Variants in CRTC2 observed in about 807,000 individuals in gnomAD.
The protein encoded by CRTC2 is CREB regulated transcription coactivator 2.
Under a neutral mutation model 70.9 loss-of-function variants are expected in CRTC2, and 25 were observed. The ratio of observed to expected loss-of-function variants is 0.35; its 90% CI spans 0.26 to 0.49. The LOEUF (loss-of-function observed/expected upper bound fraction) is 0.49. Among genes scored for constraint, CRTC2 ranks in the 20% least tolerant of loss-of-function variants. The pLI is 0.98. For synonymous variants in CRTC2, 330 were observed against 364.1 expected, an observed-to-expected ratio of 0.91 and a Z score of 1.07; for missense variants, 737 against 882.6, an observed-to-expected ratio of 0.83 and a Z score of 2.09.
At chr1:153,958,081 C>A in intron 1 of CRTC2, 1 of 1,362,638 alleles carries the variant, frequency 7.3e-7, no homozygotes, top group South Asian at 1.6e-5. Context: ...CGCCGGACTT[C>A]ATCTCCCCTC....
chr1:153,951,974 G>T, intron 10 of CRTC2, 44 bp downstream of exon 10: 1 of 1,587,906 alleles, frequency 6.3e-7, no homozygotes, highest in Non-Finnish European at 8.6e-7. Flanking sequence ...CATCCCTCCA[G>T]TCAGGCAGCA....
At chr1:153,951,170 G>T in intron 11 of CRTC2, 90 bp downstream of exon 11, 1 of 1,315,612 alleles carries the variant, frequency 7.6e-7, no homozygotes, top group Non-Finnish European at 1.1e-6. Context: ...GTATAGAGTA[G>T]GTATTTCAGG....
chr1:153,948,246 C>T lies in CRTC2; in HGVS notation c.1945G>A (p.Glu649Lys), dbSNP rs929087952. 6.2e-7 allele frequency: 1 copy of T among 1,614,138 alleles called. No individual in the cohort carries two copies. Among genetic ancestry groups the T allele is most frequent in the African/African-American group, 1.3e-5 (1 of 74,944 alleles). ...TCATCTTCTAGCCCAAGCCCTAGCT[C>T]CAATCCAGCTGCTGACACCTCAAAG... ...PGFEVSAAGL[E>K]LGLGLEDELR... is the part of the protein sequence containing the mutation. Residue 649 changes from glutamate (E) to lysine (K), a missense_variant, in exon 14 of 14, where the codon GAG becomes AAG. Glu to Lys is a moderately conservative substitution (Grantham distance 56, BLOSUM62 1). Around this residue, in one of 3 missense-constraint regions of CRTC2, gnomAD observed 699 missense variants for 823.7 expected, o/e 0.85. Transcript: ENST00000368633.
At chr1:153,952,470 G>C in intron 8 of CRTC2, 24 bp from the exon 9 acceptor site, 1 of 1,614,034 alleles carries the variant, frequency 6.2e-7, no homozygotes, top group Non-Finnish European at 8.5e-7. Flanking sequence ...GGAGAATATG[G>C]AAAATGAGGA....
Position 153,958,455 on chromosome 1 carries a change from A to AGGCCGT in CRTC2, c.37_42dup (p.Thr13_Ala14dup). On this transcript the variant is annotated inframe_insertion, in exon 1 of 14. Transcript: ENST00000368633. Reference sequence around the variant, plus strand: ...CTAAATTTGCGCGGATTGGAAGCCGAGGCCGTGGCCGAACCAGGCCCGTTC... The same window carrying AGGCCGT: ...CTAAATTTGCGCGGATTGGAAGCCGAGGCCGTGGCCGTGGCCGAACCAGGCCCGTTC... The AGGCCGT allele has an allele frequency of 6.2e-7, 1 of 1,613,290 alleles. No individual in the cohort carries two copies. Among genetic ancestry groups the AGGCCGT allele is most frequent in the Non-Finnish European group, 8.5e-7 (1 of 1,179,724 alleles).
Position 153,952,600 on chromosome 1 carries a change from G to T in CRTC2, c.673C>A (p.His225Asn), listed in dbSNP as rs764763783. ...TTAGCATCCCATGGCTTCAGCAAAT[G>T]CTTGTCATCTAGCAAGTTCTCCTCA... ...AIEENLLDDK[H>N]LLKPWDAKKL... Residue 225 changes from histidine to asparagine, a missense_variant, in exon 8 of 14, where the codon CAT (histidine) becomes AAT (asparagine). Coordinates refer to ENST00000368633, the MANE Select transcript of CRTC2 (RefSeq NM_181715.3). 2 of 1,614,210 alleles carry T rather than the reference G, an allele frequency of 1.2e-6. No individual in the cohort carries two copies. The highest frequency in any genetic ancestry group is 2.7e-5 in the African/African-American group (2 of 75,052).
Position 153,949,317 on chromosome 1 carries a change from G to A in CRTC2, c.1472C>T (p.Pro491Leu). 6.2e-7 allele frequency: 1 copy of A among 1,613,984 alleles called. No homozygotes were observed. The highest frequency in any genetic ancestry group is 8.5e-7 in the Non-Finnish European group (1 of 1,179,992). ...QRLPPYPYSS[P>L]SLVLPTQPHT... ...GGGCTGGGTAGGCAGAACCAGACTT[G>A]GGGAGCTGTATGGGTATGGGGGTAA... Residue 491 changes from proline (P) to leucine (L), a missense_variant, in exon 12 of 14, where the codon CCA becomes CTA. Physicochemically the swap from Pro to Leu is moderately conservative, Grantham distance 98. Coordinates refer to ENST00000368633, the MANE Select transcript of CRTC2 (RefSeq NM_181715.3).
chr1:153,948,258 C>T lies in CRTC2; in HGVS notation c.1933G>A (p.Ala645Thr), dbSNP rs1387927964. ...LAGVPGFEVS[A>T]AGLELGLGLE... Reference sequence around the variant, plus strand: ...CCAAGCCCTAGCTCCAATCCAGCTGCTGACACCTCAAAGCCAGGCACTCCG... The same window carrying T: ...CCAAGCCCTAGCTCCAATCCAGCTGTTGACACCTCAAAGCCAGGCACTCCG... Residue 645 changes from alanine (A) to threonine (T), a missense_variant, in exon 14 of 14, where the codon GCA (alanine) becomes ACA (threonine). This residue lies in a region of CRTC2 where 699 missense variants were observed against 823.7 expected (regional missense o/e 0.85). Transcript: ENST00000368633. 1 of 1,614,162 alleles carries T rather than the reference C, an allele frequency of 6.2e-7. No homozygotes were observed. Among genetic ancestry groups the T allele is most frequent in the Non-Finnish European group, 8.5e-7 (1 of 1,180,062 alleles).
chr1:153,951,244 A>G lies in CRTC2; in HGVS notation c.1404+16T>C. On this transcript the variant is annotated intron_variant, in intron 11 of 13. Transcript: ENST00000368633. ...GGGAAGGGAGACAGACATGCAGGGA[A>G]GGCAGCCACGCATACCTGAGTGATG... 6.2e-7 allele frequency: 1 copy of G among 1,612,914 alleles called. No individual in the cohort carries two copies. Among genetic ancestry groups the G allele is most frequent in the Non-Finnish European group, 8.5e-7 (1 of 1,179,398 alleles).
intron 1 of CRTC2, 184 bp downstream of exon 1, chr1:153,958,161 G>T: frequency 7.1e-7 from 1 of 1,418,366 alleles, no homozygotes; most frequent in South Asian, 1.5e-5. Flanking sequence ...CGGTGTTTCG[G>T]TCTCCCCCGG....
At chr1:153,955,763 G>A (rs1047407363) in intron 1 of CRTC2, among the ~76,000 whole-genome samples, 25 of 151,074 alleles carry the variant, frequency 1.7e-4, no homozygotes, top group African/African-American at 4.9e-4. Flanking sequence ...AAGGTCCACC[G>A]AGATTTGGTG....
In CRTC2 at chr1:153,948,339, G is replaced by T. The variant is rs2102097898; in HGVS notation, c.1862-10C>A. On this transcript the variant is annotated splice_polypyrimidine_tract_variant and intron_variant, in intron 13 of 13. Transcript: ENST00000368633. The stretch of plus-strand genomic sequence containing the variant: ...CCTGGAGAGGAGTCCCCTGTGGGTA[G>T]AAGAGACAGGTGAGGACCCCATGTC... 6.2e-7 allele frequency: 1 copy of T among 1,614,144 alleles called. No homozygotes were observed. The highest frequency in any genetic ancestry group is 1.7e-5 in the Admixed American group (1 of 60,036).
In CRTC2 at chr1:153,948,481, G is replaced by A. The variant is rs1680139917; in HGVS notation, c.1838C>T (p.Ser613Leu). The change falls in exon 13 of 14, where the codon TCA becomes TTA. Residue 613 changes from serine to leucine, a missense_variant. Physicochemically the swap from Ser to Leu is moderately radical, Grantham distance 145 (BLOSUM62 -2). This residue lies in a region of CRTC2 where 699 missense variants were observed against 823.7 expected (regional missense o/e 0.85). Coordinates refer to ENST00000368633, the MANE Select transcript of CRTC2 (RefSeq NM_181715.3). Reference protein sequence around the residue: ...QNLTHCSRHGSGPNIILTGDS... With the variant: ...QNLTHCSRHGLGPNIILTGDS... ...ACCTGTGAGGATGATGTTAGGCCCTGAGCCATGGCGGGAACAGTGGGTCAA... is the reference window on the plus strand; with the variant it reads ...ACCTGTGAGGATGATGTTAGGCCCTAAGCCATGGCGGGAACAGTGGGTCAA... 1.2e-6 allele frequency: 2 copies of A among 1,608,756 alleles called. No homozygotes were observed. Among genetic ancestry groups the A allele is most frequent in the Non-Finnish European group, 8.5e-7 (1 of 1,177,250 alleles).
At chr1:153,952,768 T>C (rs1382951821) in intron 7 of CRTC2, 37 bp downstream of exon 7, 20 of 1,613,922 alleles carry the variant, frequency 1.2e-5, no homozygotes, top group African/African-American at 2.7e-5. Flanking sequence ...CAGAAATTCT[T>C]TGGCATTCAG....
chr1:153,957,082 G>T (rs940613000), intron 1 of CRTC2, among the ~76,000 whole-genome samples: 6 of 152,096 alleles, frequency 3.9e-5, no homozygotes, highest in African/African-American at 1.4e-4. Flanking sequence ...GTTACAGTGG[G>T]TTATGCACAC....
rs1159109589 is a variant in CRTC2, at chr1:153,954,842, C to T, written c.372+31G>A. ...TGAGGAACCCCATCCCACTACCTTT[C>T]AGACACTCCCAAGTCCCCTGTGAAG... On this transcript the variant is annotated intron_variant, in intron 3 of 13. Transcript: ENST00000368633. 1.9e-6 allele frequency: 3 copies of T among 1,590,186 alleles called. No individual in the cohort carries two copies. In the Admixed American group the frequency reaches 5.0e-5, roughly 27 times the overall value.
intron 4 of CRTC2, 115 bp downstream of exon 4, chr1:153,954,140 A>C: frequency 1.3e-6 from 1 of 769,774 alleles, no homozygotes; most frequent in Non-Finnish European, 2.3e-6. Flanking sequence ...CGTTATAGGA[A>C]GAGGTACTGT....
chr1:153,955,308 C>T (rs1158604448), intron 1 of CRTC2, 142 bp from the exon 2 acceptor site: 7 of 667,160 alleles, frequency 1.0e-5, no homozygotes, highest in Non-Finnish European at 1.6e-5. Context: ...TAGCTCACAC[C>T]TGTAATCCCA....
Position 153,953,315 on chromosome 1 carries a change from A to G in CRTC2, c.558T>C (p.Asp186=), listed in dbSNP as rs1487350625. The change falls in exon 6 of 14, where the codon GAT becomes GAC. Residue 186 remains aspartate, a synonymous_variant. Coordinates refer to ENST00000368633, the MANE Select transcript of CRTC2 (RefSeq NM_181715.3). ...TGGGAGGTGTGGGGCCTGGGTAGGT[A>G]TCCTGGGGACTGGGGTTCATCACAC... The part of the protein sequence containing the change: ...HTSVMNPSPQ[D]TYPGPTPPSI... 1.3e-6 allele frequency: 2 copies of G among 1,598,346 alleles called. No homozygotes were observed. The highest frequency in any genetic ancestry group is 2.3e-5 in the East Asian group (1 of 43,960).
Sources: allele counts gnomAD v4.1 joint callset (sites outside exome capture counted in the v4.1 genomes callset), GRCh38; gene constraint gnomAD v4.1.1; regional missense constraint gnomAD v4.1.1; transcripts MANE v1.5; gene names NCBI Gene and HGNC (gene_info 2026-07-23, HGNC 2026-07-21).